Variants in ANXA8 observed in about 807,000 individuals in gnomAD.
The protein encoded by ANXA8 is VAC-beta.
In ANXA8, 9 loss-of-function variants were observed where a neutral mutation model predicts 26.8. The ratio of observed to expected loss-of-function variants is 0.34; its 90% CI spans 0.20 to 0.59. ANXA8 has a LOEUF of 0.59. ANXA8 is among the 20% of genes least tolerant of loss of function. ANXA8 has a pLI of 0.84. For synonymous variants in ANXA8, 39 were observed against 94.8 expected, an observed-to-expected ratio of 0.41 and a Z score of 3.42; for missense variants, 83 against 238.5, an observed-to-expected ratio of 0.35 and a Z score of 4.29.
the ANXA8 span, among the ~76,000 whole-genome samples, chr10:47,658,847 A>T: frequency 8.1e-3 from 1,077 of 133,438 alleles, 4 homozygotes; most frequent in African/African-American, 0.015. Context: ...TTATTTATTT[A>T]TTATTTATTT....
At chr10:47,769,740 G>A in the ANXA8 span, among the ~76,000 whole-genome samples, 2 of 152,310 alleles carry the variant, frequency 1.3e-5, no homozygotes, top group Non-Finnish European at 2.9e-5. Context: ...TACCTTCTGT[G>A]GTCAATTAAA....
At chr10:47,655,401 C>T in the ANXA8 span, among the ~76,000 whole-genome samples, 1 of 151,616 alleles carries the variant, frequency 6.6e-6, no homozygotes, top group African/African-American at 2.4e-5. Context: ...TGGGTGAGCA[C>T]ACAATTGAAC....
the ANXA8 span, among the ~76,000 whole-genome samples, chr10:47,959,829 G>A: frequency 6.6e-6 from 1 of 150,874 alleles, no homozygotes; most frequent in Non-Finnish European, 1.5e-5. Context: ...TGAGGCATAT[G>A]GTGCTGTGCC....
chr10:47,684,892 T>C, the ANXA8 span, among the ~76,000 whole-genome samples: 14 of 148,792 alleles, frequency 9.4e-5, no homozygotes, highest in African/African-American at 3.1e-4. Flanking sequence ...AGCCTGCGAT[T>C]GTTTTTTTTA....
the ANXA8 span, among the ~76,000 whole-genome samples, chr10:47,585,096 T>TA: frequency 7.6e-6 from 1 of 132,434 alleles, no homozygotes; most frequent in African/African-American, 3.4e-5. Context: ...TCAAAAAAAA[T>TA]AAAATAAATT....
chr10:47,528,148 C>T, the ANXA8 span, among the ~76,000 whole-genome samples: 7 of 137,054 alleles, frequency 5.1e-5, 1 homozygote, highest in Non-Finnish European at 1.1e-4. Context: ...GGCACGATCT[C>T]GGCTCACTGC....
the ANXA8 span, among the ~76,000 whole-genome samples, chr10:47,988,667 T>A: frequency 1.4e-5 from 2 of 144,306 alleles, no homozygotes; most frequent in Non-Finnish European, 3.1e-5. Flanking sequence ...CACTTTGTCC[T>A]GTTAGATCTG....
chr10:47,703,480 A>G, the ANXA8 span, among the ~76,000 whole-genome samples: 1 of 150,468 alleles, frequency 6.6e-6, no homozygotes, highest in African/African-American at 2.4e-5. Flanking sequence ...AGGTGGGAGG[A>G]TTGATTGATC....
At chr10:47,681,359 C>CTTTT in the ANXA8 span, among the ~76,000 whole-genome samples, 4 of 134,398 alleles carry the variant, frequency 3.0e-5, no homozygotes, top group South Asian at 4.7e-4. Context: ...TAGCAAAGTT[C>CTTTT]TTTTTTTTTT....
At chr10:47,649,232 A>G in the ANXA8 span, among the ~76,000 whole-genome samples, 2 of 150,452 alleles carry the variant, frequency 1.3e-5, no homozygotes, top group Non-Finnish European at 2.9e-5. Context: ...TGCCCTCATC[A>G]TACTGTAGCA....
At chr10:47,603,504 T>C in the ANXA8 span, among the ~76,000 whole-genome samples, 2 of 146,656 alleles carry the variant, frequency 1.4e-5, no homozygotes, top group Non-Finnish European at 2.9e-5. Context: ...CGTTAGCATA[T>C]AATGTTCTTA....
At chr10:47,960,656 C>T in the ANXA8 span, among the ~76,000 whole-genome samples, 2 of 149,296 alleles carry the variant, frequency 1.3e-5, 1 homozygote, top group Non-Finnish European at 2.9e-5. Flanking sequence ...TTCGATTAAT[C>T]TTTGCCAAGG....
the ANXA8 span, among the ~76,000 whole-genome samples, chr10:47,756,569 C>A: frequency 6.7e-6 from 1 of 148,806 alleles, no homozygotes; most frequent in Non-Finnish European, 1.5e-5. Context: ...CCCTTAAACA[C>A]CTTGTACAGA....
the ANXA8 span, among the ~76,000 whole-genome samples, chr10:47,551,415 T>C: frequency 6.6e-6 from 1 of 151,452 alleles, no homozygotes; most frequent in Non-Finnish European, 1.5e-5. Flanking sequence ...TTACATATTG[T>C]AATTTTTGTA....
rs1444664936 is a variant in ANXA8 at position 47,476,224 on chromosome 10, C to A, written c.412+8G>T. On this transcript the variant is annotated splice_region_variant and intron_variant, in intron 5 of 11. Transcript: ENST00000585281. ...CTCCTGAGCCCCTCCATCTGTGCCA[C>A]CCCTTACCTTCCTCATACGCCTTCA... 1 of 427,724 alleles carries A rather than the reference C, an allele frequency of 2.3e-6. No individual in the cohort carries two copies. Among genetic ancestry groups the A allele is most frequent in the Non-Finnish European group, 3.8e-6 (1 of 266,550 alleles). The allele number at this position is 427,724 out of a possible 1,614,324, so 26.5% of individuals were successfully genotyped here.
At chr10:47,954,504 G>A in the ANXA8 span, among the ~76,000 whole-genome samples, 3 of 150,982 alleles carry the variant, frequency 2.0e-5, no homozygotes, top group African/African-American at 7.3e-5. Flanking sequence ...AGGTTGGCCA[G>A]TCAACAATAA....
the ANXA8 span, among the ~76,000 whole-genome samples, chr10:47,598,715 G>A: frequency 6.7e-6 from 1 of 148,912 alleles, no homozygotes; most frequent in African/African-American, 2.5e-5. Flanking sequence ...CAAAAGGATG[G>A]AAATAACAGA....
At chr10:47,772,383 C>A in the ANXA8 span, among the ~76,000 whole-genome samples, 2 of 152,260 alleles carry the variant, frequency 1.3e-5, no homozygotes, top group Non-Finnish European at 2.9e-5. Context: ...TTTCCTCACT[C>A]ACATCCCTCA....
chr10:47,647,253 T>G, the ANXA8 span, among the ~76,000 whole-genome samples: 1 of 151,846 alleles, frequency 6.6e-6, no homozygotes, highest in Middle Eastern at 3.4e-3. Context: ...GTATACATTT[T>G]ATAATAATTT....
Sources: gnomAD v4.1 joint callset for allele counts (sites outside exome capture counted in the v4.1 genomes callset) on GRCh38, gnomAD v4.1.1 for gene constraint, MANE v1.5 for transcripts, NCBI Gene and HGNC (gene_info 2026-07-23, HGNC 2026-07-21) for gene names.